Variants in ALPK2 observed in about 807,000 individuals in gnomAD.
ALPK2 encodes alpha-protein kinase 2.
A neutral mutation model predicts 163.1 loss-of-function variants in ALPK2; 127 were observed. That is an observed-to-expected ratio of 0.78 (90% confidence interval 0.67 to 0.90). ALPK2 has a LOEUF of 0.90. ALPK2 is among the 40% of genes least tolerant of loss of function. ALPK2 has a pLI of 0.00. For missense variants in ALPK2, 2,360 were observed against 2,589.6 expected (o/e 0.91, Z 1.92); for synonymous variants, 953 against 959.1 (o/e 0.99, Z 0.12).
intron 1 of ALPK2, among the ~76,000 whole-genome samples, chr18:58,620,594 G>A (rs1454181424): frequency 6.6e-6 from 1 of 152,176 alleles, no homozygotes; most frequent in Non-Finnish European, 1.5e-5. Flanking sequence ...CTATGGTGAT[G>A]ATTGCCCAAC....
intron 3 of ALPK2, among the ~76,000 whole-genome samples, chr18:58,605,496 G>T (rs1367891351): frequency 1.3e-5 from 2 of 152,184 alleles, no homozygotes; most frequent in Non-Finnish European, 2.9e-5. Context: ...GGATGTTTGT[G>T]TGAATCAGAG....
intron 7 of ALPK2, 45 bp downstream of exon 7, chr18:58,523,890 G>T (rs1285087215): frequency 1.2e-6 from 2 of 1,614,208 alleles, no homozygotes; most frequent in South Asian, 2.2e-5. Flanking sequence ...TGTCCATTGT[G>T]AACGGGCAGG....
intron 3 of ALPK2, among the ~76,000 whole-genome samples, chr18:58,606,719 T>G (rs2052099580): frequency 6.6e-6 from 1 of 152,176 alleles, no homozygotes; most frequent in Non-Finnish European, 1.5e-5. Context: ...TTAGTAGCAT[T>G]GAGGATCAAA....
intron 1 of ALPK2, among the ~76,000 whole-genome samples, chr18:58,621,777 A>T (rs1045288417): frequency 6.6e-6 from 1 of 152,126 alleles, no homozygotes; most frequent in Non-Finnish European, 1.5e-5. Flanking sequence ...GGATACCTTG[A>T]ATTTATGTAT....
intron 4 of ALPK2, among the ~76,000 whole-genome samples, chr18:58,565,531 G>A (rs2051847320): frequency 6.6e-6 from 1 of 151,878 alleles, no homozygotes; most frequent in African/African-American, 2.4e-5. Flanking sequence ...CATAAACTTT[G>A]TATATATTTA....
In ALPK2 at chr18:58,517,045, G is replaced by T. The variant is rs3809984; in HGVS notation, c.5803C>A (p.Arg1935Ser). ...ATGAGGCCGTGCATCACTGTGCTGC[G>T]GAAGGCTTTGCGGTGAACCCCTTCT... is the stretch of plus-strand genomic sequence containing the variant. ...FGEGVHRKAF[R>S]STVMHGLMPV... The change falls in exon 9 of 13, where the codon CGC (arginine) becomes AGC (serine). Residue 1935 changes from arginine (R) to serine (S), a missense_variant. Transcript: ENST00000361673. 2 of 1,614,216 alleles carry T rather than the reference G, an allele frequency of 1.2e-6. No homozygotes were observed. The highest frequency in any genetic ancestry group is 2.2e-5 in the East Asian group (1 of 44,886).
intron 3 of ALPK2, among the ~76,000 whole-genome samples, chr18:58,604,801 C>G (rs2052089518): frequency 6.6e-6 from 1 of 152,160 alleles, no homozygotes; most frequent in African/African-American, 2.4e-5. Flanking sequence ...GATCTCAGAA[C>G]AGGGAATGGT....
chr18:58,618,952 G>C (rs2052184269), intron 1 of ALPK2, among the ~76,000 whole-genome samples: 1 of 152,246 alleles, frequency 6.6e-6, no homozygotes, highest in Non-Finnish European at 1.5e-5. Context: ...AAAGCCAGCA[G>C]TCAGGGCGCC....
At chr18:58,499,154 T>C (rs962227283) in intron 11 of ALPK2, among the ~76,000 whole-genome samples, 4 of 152,216 alleles carry the variant, frequency 2.6e-5, no homozygotes, top group African/African-American at 9.6e-5. Context: ...CACTAAACCA[T>C]GGTGGGGATA....
chr18:58,619,486 T>G (rs2052187009), intron 1 of ALPK2, among the ~76,000 whole-genome samples: 1 of 152,246 alleles, frequency 6.6e-6, no homozygotes, highest in Non-Finnish European at 1.5e-5. Context: ...TGGAAAACAC[T>G]TTAGCAGTTT....
chr18:58,617,234 T>A (rs188218699), intron 1 of ALPK2, among the ~76,000 whole-genome samples: 2 of 152,330 alleles, frequency 1.3e-5, no homozygotes, highest in East Asian at 3.9e-4. Flanking sequence ...TCGCCCAGGC[T>A]AGAGTGCAAT....
chr18:58,584,888 A>G (rs2051977757), intron 3 of ALPK2, among the ~76,000 whole-genome samples: 1 of 152,192 alleles, frequency 6.6e-6, no homozygotes, highest in Non-Finnish European at 1.5e-5. Context: ...ATGCTGGCAG[A>G]GAGACCTGTG....
At chr18:58,611,631 A>G in intron 2 of ALPK2, 58 bp downstream of exon 2, 1 of 1,483,806 alleles carries the variant, frequency 6.7e-7, no homozygotes, top group Non-Finnish European at 9.3e-7. Flanking sequence ...TTGTGAGCCA[A>G]GAAACCTGGT....
At chr18:58,599,463 C>T (rs543872642) in intron 3 of ALPK2, among the ~76,000 whole-genome samples, 1 of 152,194 alleles carries the variant, frequency 6.6e-6, no homozygotes, top group African/African-American at 2.4e-5. Flanking sequence ...CCTACTTAAG[C>T]TCACAGGAAC....
intron 1 of ALPK2, among the ~76,000 whole-genome samples, chr18:58,621,024 A>C (rs527558500): frequency 6.3e-4 from 95 of 151,994 alleles, no homozygotes; most frequent in Admixed American, 4.4e-3. Flanking sequence ...GGTGTGTCGC[A>C]TGCCTGTAGT....
chr18:58,597,221 T>G (rs1441253002), intron 3 of ALPK2, among the ~76,000 whole-genome samples: 1 of 151,792 alleles, frequency 6.6e-6, no homozygotes. Context: ...ACCTGGGAGG[T>G]GGAGGTTGCA....
rs778352225 is a variant in ALPK2, at chr18:58,536,455, G to C, written c.3732C>G (p.Ser1244=). The change falls in exon 5 of 13, where the codon TCC becomes TCG. Residue 1244 remains serine (S), a synonymous_variant. Coordinates refer to ENST00000361673, the MANE Select transcript of ALPK2 (RefSeq NM_052947.4). ...GTCGTGGTGGCCAGATTTCAGAAGC[G>C]GAAGCCTCTAGAGTTATAATCTTCA... is the stretch of plus-strand genomic sequence containing the variant. The part of the protein sequence containing the change: ...NKLKIITLEA[S]ASEIWPPRQL... The C allele has an allele frequency of 6.2e-7, 1 of 1,613,936 alleles. No homozygotes were observed. Among genetic ancestry groups the C allele is most frequent in the Non-Finnish European group, 8.5e-7 (1 of 1,180,028 alleles).
At chr18:58,545,458 C>G (rs1289997820) in intron 4 of ALPK2, among the ~76,000 whole-genome samples, 1 of 152,156 alleles carries the variant, frequency 6.6e-6, no homozygotes, top group Non-Finnish European at 1.5e-5. Context: ...TGGAAGGGAG[C>G]TCAAGGTGCT....
Position 58,500,517 on chromosome 18 carries a change from A to G in ALPK2, c.6248-2420T>C, listed in dbSNP as rs192575246. ...AGCAATTATGTCAAGGTTACTAGGA[A>G]TCTCTAGAGTCTAAAGTTAAATCCT... On this transcript the variant is annotated intron_variant, in intron 11 of 12. Coordinates refer to ENST00000361673, the MANE Select transcript of ALPK2 (RefSeq NM_052947.4). Among the ~76,000 whole-genome samples the G allele has an allele frequency of 3.9e-5, 6 of 152,372 alleles. No homozygotes were observed. The East Asian group carries it at 1.2e-3, about 29-fold the overall frequency.
Sources: allele counts gnomAD v4.1 joint callset (sites outside exome capture counted in the v4.1 genomes callset), GRCh38; gene constraint gnomAD v4.1.1; transcripts MANE v1.5; gene names NCBI Gene and HGNC (gene_info 2026-07-23, HGNC 2026-07-21).